Variants in UTP15 observed in about 807,000 individuals in gnomAD.
UTP15 encodes UTP15 small subunit processome component.
UTP15 carries 5 observed loss-of-function variants against 59.1 expected under a neutral mutation model. That is an observed-to-expected ratio of 0.08 (90% CI 0.04 to 0.18). The LOEUF (loss-of-function observed/expected upper bound fraction) is 0.18. Among genes scored for constraint, UTP15 ranks in the 10% least tolerant of loss-of-function variants. The pLI is 1.00. For synonymous variants in UTP15, 211 were observed against 212.2 expected (o/e 0.99, Z 0.05); for missense variants, 494 against 616.7 (o/e 0.80, Z 2.11).
chr5:73,579,750 TATAAA>T (rs1580397017), intron 12 of UTP15, 122 bp from the exon 13 acceptor site: 2 of 515,908 alleles, frequency 3.9e-6, no homozygotes, highest in Non-Finnish European at 6.5e-6. Context: ...ATTAATTAAT[TATAAA>T]ATAAGTACAG....
At position 73,577,851 on chromosome 5, in the gene UTP15, A is replaced by T. The variant is rs753208372; in HGVS notation, c.895-5A>T. 16 of 1,575,208 alleles carry T rather than the reference A, an allele frequency of 1.0e-5. No individual in the cohort carries two copies. Among genetic ancestry groups the T allele is most frequent in the Non-Finnish European group, 1.4e-5 (16 of 1,167,850 alleles). On this transcript the variant is annotated splice_region_variant and splice_polypyrimidine_tract_variant and intron_variant, in intron 8 of 12. Coordinates refer to ENST00000296792, the MANE Select transcript of UTP15 (RefSeq NM_032175.4). ...AGACTAACTTATTTTTCTAATTGTT[A>T]TTAGCATGAAGATGAGACAATAGTT...
At position 73,569,668 on chromosome 5, in the gene UTP15, T is replaced by C; in HGVS notation, c.540T>C (p.Phe180=). The C allele has an allele frequency of 6.2e-7, 1 of 1,604,748 alleles. No homozygotes were observed. The highest frequency in any genetic ancestry group is 8.5e-7 in the Non-Finnish European group (1 of 1,175,546). The stretch of plus-strand genomic sequence containing the variant: ...CTAGCAAACTTAATCCGGATCTCTT[T>C]ATAACAGGTTGGTGAACTCTATTCC... The part of the protein sequence containing the change: ...GCASKLNPDL[F]ITGSYDHTVK... The change falls in exon 5 of 13, where the codon TTT becomes TTC. Residue 180 remains phenylalanine, a synonymous_variant. Transcript: ENST00000296792.
At chr5:73,572,269 C>T (rs1747953231) in intron 6 of UTP15, among the ~76,000 whole-genome samples, 5 of 152,198 alleles carry the variant, frequency 3.3e-5, no homozygotes, top group Admixed American at 2.6e-4. Flanking sequence ...GTACACTTCA[C>T]AAATATTATT....
At chr5:73,567,115 C>G in intron 1 of UTP15, 147 bp from the exon 2 acceptor site, 1 of 257,964 alleles carries the variant, frequency 3.9e-6, no homozygotes, top group Non-Finnish European at 7.3e-6. Context: ...TTCCTGCTTC[C>G]TATAGATTGC....
rs1748274358 is a variant in UTP15, at chr5:73,580,628, T to G, written c.*534T>G. The G allele has an allele frequency of 6.6e-6, 1 of 152,534 alleles. No homozygotes were observed. The highest frequency in any genetic ancestry group is 2.4e-5 in the African/African-American group (1 of 41,478). The allele number at this position is 152,534 out of a possible 1,614,324, so 9.4% of individuals were successfully genotyped here. On this transcript the variant is annotated 3_prime_UTR_variant, in exon 13 of 13. Coordinates refer to ENST00000296792, the MANE Select transcript of UTP15 (RefSeq NM_032175.4). ...ACTTGTCTTAGATCACATGCCCTGCTTCAGCTGGTAATGGGACTGCATCGG... is the reference window on the plus strand; with the variant it reads ...ACTTGTCTTAGATCACATGCCCTGCGTCAGCTGGTAATGGGACTGCATCGG...
chr5:73,573,765 A>G (rs1332627594), intron 7 of UTP15, among the ~76,000 whole-genome samples: 3 of 147,862 alleles, frequency 2.0e-5, no homozygotes, highest in Admixed American at 6.8e-5. Context: ...GTAGAGACAG[A>G]GTTTCGCCGT....
At chr5:73,576,923 T>C (rs753726253) in intron 7 of UTP15, 29 bp from the exon 8 acceptor site, 3 of 1,509,912 alleles carry the variant, frequency 2.0e-6, no homozygotes, top group South Asian at 2.4e-5. Context: ...TTCAAGGTGA[T>C]TTTTGACAAA....
Position 73,580,068 on chromosome 5 carries a change from C to T in UTP15, c.1531C>T (p.Pro511Ser), listed in dbSNP as rs1207856175. The change falls in exon 13 of 13, where the codon CCA becomes TCA. Residue 511 changes from proline to serine, a missense_variant. Transcript: ENST00000296792. ...GTTGGAACACACATCTGATGGATTTCCAGAGAATAAGAAGATAGAATCATA... is the reference window on the plus strand; with the variant it reads ...GTTGGAACACACATCTGATGGATTTTCAGAGAATAAGAAGATAGAATCATA... ...SVLEHTSDGF[P>S]ENKKIES 6.2e-7 allele frequency: 1 copy of T among 1,613,330 alleles called. No individual in the cohort carries two copies. Among genetic ancestry groups the T allele is most frequent in the Non-Finnish European group, 8.5e-7 (1 of 1,179,616 alleles).
In UTP15 at chr5:73,583,235, A is replaced by G. The variant is rs1019962459; in HGVS notation, c.*3141A>G. ...GCAGGGATTTGTAATTGGGATTTAT[A>G]ATGAAATTCCTGATCTGGGAAAATG... On this transcript the variant is annotated 3_prime_UTR_variant, in exon 13 of 13. Transcript: ENST00000296792. 3 of 152,204 alleles carry G rather than the reference A, an allele frequency of 2.0e-5. No homozygotes were observed. The highest frequency in any genetic ancestry group is 7.2e-5 in the African/African-American group (3 of 41,456). The allele number at this position is 152,204 out of a possible 1,614,324, so 9.4% of individuals were successfully genotyped here. A position where few individuals can be genotyped will look rare whatever the true frequency, so the allele number is the denominator to read the frequency against.
Position 73,579,307 on chromosome 5 carries a change from T to C in UTP15, c.1281-10T>C, listed in dbSNP as rs747716533. 6.2e-6 allele frequency: 10 copies of C among 1,606,146 alleles called. No individual in the cohort carries two copies. The Admixed American group carries it at 1.5e-4, about 25-fold the overall frequency. On this transcript the variant is annotated splice_polypyrimidine_tract_variant and intron_variant, in intron 11 of 12. Coordinates refer to ENST00000296792, the MANE Select transcript of UTP15 (RefSeq NM_032175.4). ...TACAAGTTTCACTAAACTGAATTTT[T>C]ACTTTGTAGGAATCTTTCTCAGCCA...
chr5:73,576,648 T>C (rs1748107545), intron 7 of UTP15, among the ~76,000 whole-genome samples: 1 of 151,978 alleles, frequency 6.6e-6, no homozygotes, highest in South Asian at 2.1e-4. Context: ...CTATTTTGTA[T>C]TTTTAGTAGA....
intron 7 of UTP15, among the ~76,000 whole-genome samples, chr5:73,574,549 A>G (rs1257482990): frequency 4.0e-5 from 6 of 150,950 alleles, no homozygotes; most frequent in Admixed American, 6.6e-5. Context: ...GGGCAGTGGC[A>G]TGATCTTGGC....
intron 4 of UTP15, 54 bp downstream of exon 4, chr5:73,568,658 T>A: frequency 6.6e-7 from 1 of 1,507,078 alleles, no homozygotes; most frequent in Non-Finnish European, 8.9e-7. Context: ...GTAAGCTCTT[T>A]TTTTCTCTGG....
intron 6 of UTP15, 120 bp from the exon 7 acceptor site, chr5:73,572,369 C>G: frequency 1.5e-6 from 2 of 1,339,292 alleles, no homozygotes; most frequent in Non-Finnish European, 2.1e-6. Flanking sequence ...GCAGCCTGGC[C>G]TGGACTCCCT....
rs202212451 is a variant in UTP15 at position 73,567,481 on chromosome 5, A to G, written c.90+47A>G. On this transcript the variant is annotated intron_variant, in intron 2 of 12. Transcript: ENST00000296792. ...GGAGAAGGGATTTGTGTTTATGCCA[A>G]TTTCTCTAGCATATGTTATACTCTG... The G allele has an allele frequency of 7.9e-5, 110 of 1,388,290 alleles. No individual in the cohort carries two copies. In the African/African-American group the frequency reaches 1.2e-3, roughly 15 times the overall value. 86.0% of individuals were successfully genotyped at this position (1,388,290 alleles called of 1,614,324 possible). A position where few individuals can be genotyped will look rare whatever the true frequency, so the allele number is the denominator to read the frequency against.
chr5:73,578,903 C>T (rs1400311950), intron 10 of UTP15, 51 bp downstream of exon 10: 3 of 1,597,070 alleles, frequency 1.9e-6, no homozygotes, highest in South Asian at 2.2e-5. Flanking sequence ...CTGCATATTA[C>T]CATGACTTGG....
In UTP15 at chr5:73,569,687, C is replaced by G; in HGVS notation, c.547+12C>G. 1 of 1,572,416 alleles carries G rather than the reference C, an allele frequency of 6.4e-7. No individual in the cohort carries two copies. Among genetic ancestry groups the G allele is most frequent in the Non-Finnish European group, 8.6e-7 (1 of 1,158,924 alleles). On this transcript the variant is annotated intron_variant, in intron 5 of 12. Transcript: ENST00000296792. The stretch of plus-strand genomic sequence containing the variant: ...TCTCTTTATAACAGGTTGGTGAACT[C>G]TATTCCCTCCTGAAGCAAATAATCT...
At chr5:73,566,035 G>A (rs1747747909) in intron 1 of UTP15, 123 bp downstream of exon 1, 1 of 350,718 alleles carries the variant, frequency 2.9e-6, no homozygotes, top group Non-Finnish European at 5.6e-6. Flanking sequence ...TCTTTAACCG[G>A]CTCAAGTTCC....
rs1748305324 is a variant in UTP15 at position 73,581,467 on chromosome 5, A to G, written c.*1373A>G. 1 of 152,092 alleles carries G rather than the reference A, an allele frequency of 6.6e-6. No individual in the cohort carries two copies. Among genetic ancestry groups the G allele is most frequent in the African/African-American group, 2.4e-5 (1 of 41,404 alleles). The allele number at this position is 152,092 out of a possible 1,614,324, so 9.4% of individuals were successfully genotyped here. ...CTAGTACACTGGTTTCACAGTTGCT[A>G]CCTCTCCTGCTTTTCTCTAATTATT... On this transcript the variant is annotated 3_prime_UTR_variant, in exon 13 of 13. Transcript: ENST00000296792.
Sources: gnomAD v4.1 joint callset for allele counts (sites outside exome capture counted in the v4.1 genomes callset) on GRCh38, gnomAD v4.1.1 for gene constraint, MANE v1.5 for transcripts, NCBI Gene and HGNC (gene_info 2026-07-23, HGNC 2026-07-21) for gene names.